IFT46: variants seen among roughly 807,000 people sequenced by gnomAD.
IFT46 encodes intraflagellar transport protein 46 homolog.
A neutral mutation model predicts 39.6 loss-of-function variants in IFT46; 19 were observed. The observed-to-expected ratio is 0.48, with a 90% CI of 0.33 to 0.70. The LOEUF is 0.70. IFT46 is among the 30% of genes least tolerant of loss of function. IFT46 has a pLI of 0.01. For missense variants in IFT46, 334 were observed against 364.8 expected (o/e 0.92, Z 0.69); for synonymous variants, 117 against 134.8 (o/e 0.87, Z 0.91).
chr11:118,573,938 C>T (rs1938420246), upstream of IFT46, among the ~76,000 whole-genome samples: 1 of 152,098 alleles, frequency 6.6e-6, no homozygotes, highest in African/African-American at 2.4e-5. Context: ...ATTAATAATG[C>T]ATTTTAGAGC....
intron 1 of IFT46, among the ~76,000 whole-genome samples, chr11:118,572,160 A>G (rs1179378351): frequency 2.0e-5 from 3 of 152,082 alleles, no homozygotes; most frequent in African/African-American, 7.2e-5. Context: ...TATCCTGTAT[A>G]TTAAATAATA....
intron 7 of IFT46, among the ~76,000 whole-genome samples, chr11:118,553,939 A>G (rs1250590361): frequency 6.6e-6 from 1 of 152,186 alleles, no homozygotes; most frequent in Non-Finnish European, 1.5e-5. Context: ...AACTGTGATT[A>G]TATTAAAACT....
At chr11:118,556,148 G>C (rs765179241) in intron 4 of IFT46, among the ~76,000 whole-genome samples, 2 of 151,850 alleles carry the variant, frequency 1.3e-5, no homozygotes, top group Non-Finnish European at 2.9e-5. Context: ...TCAGCCTCCC[G>C]AGCAGCCGGG....
upstream of IFT46, chr11:118,573,769 T>G (rs1938415189): frequency 1.6e-6 from 1 of 635,538 alleles, no homozygotes; most frequent in Admixed American, 2.4e-5. Flanking sequence ...ACTGAACAGC[T>G]TTTCTCAGCC....
chr11:118,564,528 T>C (rs1209694042), intron 2 of IFT46, among the ~76,000 whole-genome samples: 1 of 152,052 alleles, frequency 6.6e-6, no homozygotes, highest in African/African-American at 2.4e-5. Context: ...CTTGGTAACA[T>C]AGCGAGGCCT....
chr11:118,560,187 AGGATCACTTGAGCCCAGG>A (rs1937991969), intron 2 of IFT46: 2 of 250,934 alleles, frequency 8.0e-6, no homozygotes, highest in Non-Finnish European at 1.5e-5. Context: ...GGGAGGCAGG[AGGATCACTTGAGCCCAGG>A]AGTTTGAGCC....
chr11:118,573,956 T>C (rs186675842), upstream of IFT46, among the ~76,000 whole-genome samples: 28 of 152,370 alleles, frequency 1.8e-4, no homozygotes, highest in East Asian at 4.6e-3. Context: ...AGCATATTTT[T>C]ATTTTAATAG....
At chr11:118,558,463 C>T (rs188098603) in intron 3 of IFT46, among the ~76,000 whole-genome samples, 1,704 of 151,698 alleles carry the variant, frequency 0.011, 29 homozygotes, top group African/African-American at 0.038. Context: ...GGCGTGGTGG[C>T]GCACGCCTGT....
Position 118,554,894 on chromosome 11 carries a change from C to T in IFT46, c.354+96G>A. 3.2e-6 allele frequency: 3 copies of T among 928,486 alleles called. No individual in the cohort carries two copies. In the South Asian group the frequency reaches 4.3e-5, roughly 13 times the overall value. The allele number at this position is 928,486 out of a possible 1,614,324, so 57.5% of individuals were successfully genotyped here. A position where few individuals can be genotyped will look rare whatever the true frequency, so the allele number is the denominator to read the frequency against. ...ACTCCAATGAAATGAACATGACTAG[C>T]CAATGCTAGTCAAAGAAATTAGGGA... On this transcript the variant is annotated intron_variant, in intron 6 of 11. Coordinates refer to ENST00000264021, the MANE Select transcript of IFT46 (RefSeq NM_001168618.2).
chr11:118,545,093 T>C, intron 11 of IFT46, 82 bp from the exon 12 acceptor site: 1 of 1,059,686 alleles, frequency 9.4e-7, no homozygotes, highest in Non-Finnish European at 1.4e-6. Context: ...TTCTTTAAAA[T>C]GAACCCCCTT....
chr11:118,552,416 T>C (rs782535577), intron 7 of IFT46, 81 bp from the exon 8 acceptor site: 2 of 1,524,102 alleles, frequency 1.3e-6, no homozygotes, highest in Non-Finnish European at 1.8e-6. Context: ...TATCTGCTGC[T>C]GTTTCATATT....
At chr11:118,572,354 C>G (rs1555072520) in intron 1 of IFT46, 1 of 143,538 alleles carries the variant, frequency 7.0e-6, no homozygotes, top group Admixed American at 7.0e-5. Flanking sequence ...CCCCGCCCCC[C>G]CCCCCGCCCT....
At chr11:118,555,385 G>A (rs1161503245) in intron 4 of IFT46, 63 bp from the exon 5 acceptor site, 7 of 1,240,008 alleles carry the variant, frequency 5.6e-6, no homozygotes, top group Middle Eastern at 2.3e-4. Context: ...CAGGGTCCTA[G>A]GTGCTGGTGT....
chr11:118,565,538 G>A (rs1258695495), intron 1 of IFT46: 1 of 151,372 alleles, frequency 6.6e-6, no homozygotes, highest in Non-Finnish European at 1.5e-5. Flanking sequence ...CCCGAAGAGA[G>A]GGGAAACTCC....
At chr11:118,561,117 G>A (rs1938042143) in intron 2 of IFT46, 1 of 1,501,224 alleles carries the variant, frequency 6.7e-7, no homozygotes, top group South Asian at 1.1e-5. Flanking sequence ...GCCTTTACCT[G>A]CTATTTGGAT....
chr11:118,572,393 G>T, intron 1 of IFT46: 1 of 373,510 alleles, frequency 2.7e-6, no homozygotes. Flanking sequence ...GGTTGAAGAC[G>T]TGGCTTGGGG....
upstream of IFT46, among the ~76,000 whole-genome samples, chr11:118,567,152 G>C (rs1057131785): frequency 5.9e-5 from 9 of 152,168 alleles, no homozygotes; most frequent in African/African-American, 2.2e-4. Context: ...CACTCGGGAG[G>C]CTGAGGCGGG....
chr11:118,573,280 G>GA (rs1248750136), upstream of IFT46, among the ~76,000 whole-genome samples: 3 of 152,186 alleles, frequency 2.0e-5, no homozygotes, highest in Non-Finnish European at 4.4e-5. Context: ...TCCAGGTGAA[G>GA]AAAAATGTGT....
chr11:118,572,357 C>CG (rs1555072524), intron 1 of IFT46: 2 of 156,760 alleles, frequency 1.3e-5, no homozygotes, highest in African/African-American at 4.9e-5. Context: ...CGCCCCCCCC[C>CG]CCGCCCTTTG....
Sources: allele counts gnomAD v4.1 joint callset (sites outside exome capture counted in the v4.1 genomes callset), GRCh38; gene constraint gnomAD v4.1.1; transcripts MANE v1.5; gene names NCBI Gene and HGNC (gene_info 2026-07-23, HGNC 2026-07-21).